Variants in ALDH1L1 observed in about 807,000 individuals in gnomAD.
ALDH1L1 encodes cytosolic 10-formyltetrahydrofolate dehydrogenase.
ALDH1L1 carries 68 observed loss-of-function variants against 101.1 expected under a neutral mutation model. That is an observed-to-expected ratio of 0.67 (90% CI 0.55 to 0.82). ALDH1L1 has a LOEUF of 0.82. ALDH1L1 is among the 40% of genes least tolerant of loss of function. ALDH1L1 has a pLI of 0.00. For synonymous variants in ALDH1L1, 486 were observed against 470.8 expected, an observed-to-expected ratio of 1.03 and a Z score of -0.42; for missense variants, 1,087 against 1,172.7, an observed-to-expected ratio of 0.93 and a Z score of 1.07.
chr3:126,105,573 A>T, intron 22 of ALDH1L1, 153 bp downstream of exon 22: 1 of 868,914 alleles, frequency 1.2e-6, no homozygotes, highest in Non-Finnish European at 1.9e-6. Flanking sequence ...CGGACTTGTC[A>T]CAAGTTCCCT....
At chr3:126,145,690 G>A (rs2080660173) in intron 9 of ALDH1L1, among the ~76,000 whole-genome samples, 1 of 152,238 alleles carries the variant, frequency 6.6e-6, no homozygotes, top group African/African-American at 2.4e-5. Context: ...GAAATGGGGA[G>A]TGGCTGTTCA....
At chr3:126,181,659 T>G (rs904530041), upstream of ALDH1L1, 1 of 153,812 alleles carries the variant, frequency 6.5e-6, no homozygotes, top group Non-Finnish European at 1.4e-5. Flanking sequence ...CCTTGTTTCT[T>G]TGTTTGTTCA....
chr3:126,124,826 T>TTG (rs2080149841), intron 15 of ALDH1L1, among the ~76,000 whole-genome samples: 1 of 152,238 alleles, frequency 6.6e-6, no homozygotes, highest in African/African-American at 2.4e-5. Context: ...ACTACCTAAT[T>TTG]TGTGATACAT....
chr3:126,188,482 G>C (rs962063717), intron 1 of ALDH1L1, among the ~76,000 whole-genome samples: 1 of 152,128 alleles, frequency 6.6e-6, no homozygotes, highest in African/African-American at 2.4e-5. Context: ...CTCCATATTG[G>C]CTTGGTCTGT....
chr3:126,159,576 T>C (rs2080997921), intron 2 of ALDH1L1: 1 of 455,650 alleles, frequency 2.2e-6, no homozygotes, highest in Non-Finnish European at 4.4e-6. Flanking sequence ...TCTGGTAGTT[T>C]TGAGAGAGGG....
intron 20 of ALDH1L1, chr3:126,108,051 C>T (rs1945945007): frequency 6.6e-6 from 1 of 152,182 alleles, no homozygotes; most frequent in Non-Finnish European, 1.5e-5. Context: ...ATAAAATGTT[C>T]AATATTTTTC....
chr3:126,136,305 G>A lies in ALDH1L1; in HGVS notation c.1344+459C>T, dbSNP rs553258931. On this transcript the variant is annotated intron_variant, in intron 11 of 22. Coordinates refer to ENST00000393434, the MANE Select transcript of ALDH1L1 (RefSeq NM_012190.4). ...AAACCTGTGTTTTGGATATGTTCAC[G>A]TGTGTATCTACCATAGGCGTGCTTT... is the stretch of plus-strand genomic sequence containing the variant. 3.0e-4 allele frequency among the ~76,000 whole-genome samples: 46 copies of A among 152,304 alleles called. 1 individual carries two copies. Among genetic ancestry groups the A allele is most frequent in the East Asian group, 5.8e-4 (3 of 5,184 alleles).
chr3:126,156,400 A>T (rs1370406810), intron 4 of ALDH1L1: 1 of 152,272 alleles, frequency 6.6e-6, no homozygotes, highest in African/African-American at 2.4e-5. Flanking sequence ...GAAAAATAAA[A>T]GGCAGTGGCC....
Position 126,160,982 on chromosome 3 carries a change from T to C in ALDH1L1, c.-3A>G. Reference sequence around the variant, plus strand: ...TGTCCAATCACTGCAATCTTCATGGTAGCAGGAGGGTTGGAAGGACCTGGA... The same window carrying C: ...TGTCCAATCACTGCAATCTTCATGGCAGCAGGAGGGTTGGAAGGACCTGGA... On this transcript the variant is annotated 5_prime_UTR_variant, in exon 2 of 23. Transcript: ENST00000393434. The C allele has an allele frequency of 1.2e-6, 2 of 1,614,154 alleles. 1 individual carries two copies. Among genetic ancestry groups the C allele is most frequent in the South Asian group, 2.2e-5 (2 of 91,076 alleles).
In ALDH1L1 at chr3:126,157,527, A is replaced by G. The variant is rs1404027780; in HGVS notation, c.363-19T>C. The G allele has an allele frequency of 6.2e-7, 1 of 1,610,612 alleles. No homozygotes were observed. On this transcript the variant is annotated intron_variant, in intron 3 of 22. Transcript: ENST00000393434. ...GAGGGTCCTAGGAAGCAGAAGAGTGAAACCTGGAGTCCACGATGAAGGGCC... is the reference window on the plus strand; with the variant it reads ...GAGGGTCCTAGGAAGCAGAAGAGTGGAACCTGGAGTCCACGATGAAGGGCC...
chr3:126,150,375 A>G, intron 8 of ALDH1L1, 31 bp downstream of exon 8: 1 of 1,548,212 alleles, frequency 6.5e-7, no homozygotes, highest in Non-Finnish European at 8.7e-7. Context: ...AACCTGCCCA[A>G]CTGGATGGCA....
intron 17 of ALDH1L1, 120 bp from the exon 18 acceptor site, chr3:126,114,776 G>C (rs775339907): frequency 1.1e-6 from 1 of 913,008 alleles, no homozygotes; most frequent in Non-Finnish European, 1.8e-6. Flanking sequence ...AGCAAGACCC[G>C]GCCAGTGCCT....
intron 9 of ALDH1L1, among the ~76,000 whole-genome samples, chr3:126,146,144 C>T (rs2080673230): frequency 6.6e-6 from 1 of 152,242 alleles, no homozygotes; most frequent in African/African-American, 2.4e-5. Context: ...CCTGCAGTCA[C>T]AGCCTTGGCC....
At chr3:126,185,370 G>A (rs1228835001), upstream of ALDH1L1, among the ~76,000 whole-genome samples, 3 of 152,234 alleles carry the variant, frequency 2.0e-5, no homozygotes, top group African/African-American at 7.2e-5. Flanking sequence ...TCTACTCCAG[G>A]TGCTCGCACC....
At chr3:126,144,254 A>G (rs1239183236) in intron 9 of ALDH1L1, among the ~76,000 whole-genome samples, 1 of 152,232 alleles carries the variant, frequency 6.6e-6, no homozygotes, top group Non-Finnish European at 1.5e-5. Context: ...CATGGACTGG[A>G]GAAGTTAATA....
Position 126,150,547 on chromosome 3 carries a change from TTTC to T in ALDH1L1, c.859-19_859-17del, listed in dbSNP as rs747443548. On this transcript the variant is annotated splice_polypyrimidine_tract_variant and intron_variant, in intron 7 of 22. Coordinates refer to ENST00000393434, the MANE Select transcript of ALDH1L1 (RefSeq NM_012190.4). ...TCACCAGCAGCTGCAAAAGGAAGGA[TTTC>T]TTTTCTTTTCTTTTCTTTTTTTGAG... 4.0e-6 allele frequency: 6 copies of T among 1,497,322 alleles called. No homozygotes were observed. Among genetic ancestry groups the T allele is most frequent in the Non-Finnish European group, 5.3e-6 (6 of 1,125,144 alleles). The allele number at this position is 1,497,322 out of a possible 1,614,324, so 92.8% of individuals were successfully genotyped here. A position where few individuals can be genotyped will look rare whatever the true frequency, so the allele number is the denominator to read the frequency against.
chr3:126,187,641 G>A (rs2081528670), intron 1 of ALDH1L1, among the ~76,000 whole-genome samples: 1 of 152,164 alleles, frequency 6.6e-6, no homozygotes, highest in Non-Finnish European at 1.5e-5. Flanking sequence ...GGAGGAAAAG[G>A]AAACCCATCT....
intron 12 of ALDH1L1, among the ~76,000 whole-genome samples, chr3:126,133,039 C>A (rs769481491): frequency 3.3e-5 from 5 of 152,218 alleles, no homozygotes; most frequent in Non-Finnish European, 7.3e-5. Context: ...GAGGACTAGG[C>A]TCCCCAGCTG....
At chr3:126,190,048 A>G (rs1216350973) in intron 1 of ALDH1L1, among the ~76,000 whole-genome samples, 1 of 152,208 alleles carries the variant, frequency 6.6e-6, no homozygotes, top group Non-Finnish European at 1.5e-5. Flanking sequence ...CCTCTGTTGC[A>G]GGAGATTCTT....
Sources: gnomAD v4.1 joint callset for allele counts (sites outside exome capture counted in the v4.1 genomes callset) on GRCh38, gnomAD v4.1.1 for gene constraint, MANE v1.5 for transcripts, NCBI Gene and HGNC (gene_info 2026-07-23, HGNC 2026-07-21) for gene names.